The following RBM28 variants were observed in gnomAD, a reference collection of about 807,000 sequenced individuals.
RBM28 encodes RNA binding motif protein 28.
A neutral mutation model predicts 98.3 loss-of-function variants in RBM28; 78 were observed. That is an observed-to-expected ratio of 0.79 (90% CI 0.66 to 0.96). The LOEUF is 0.96. Ranked by LOEUF, RBM28 falls within the 40% of genes least tolerant of loss-of-function variation. RBM28 has a pLI of 0.00. For synonymous variants in RBM28, 306 were observed against 330.9 expected, an observed-to-expected ratio of 0.92 and a Z score of 0.82; for missense variants, 838 against 913.0, an observed-to-expected ratio of 0.92 and a Z score of 1.06.
chr7:128,337,224 T>A (rs1414636756), intron 5 of RBM28, 22 bp from the exon 6 acceptor site: 1 of 1,613,402 alleles, frequency 6.2e-7, no homozygotes, highest in African/African-American at 1.3e-5. Flanking sequence ...AAAAGTGGCA[T>A]CAGAAAGGCT....
chr7:128,337,850 C>T (rs1489472942), intron 5 of RBM28, among the ~76,000 whole-genome samples: 3 of 152,076 alleles, frequency 2.0e-5, no homozygotes, highest in Admixed American at 1.3e-4. Context: ...TGTGAGCCAC[C>T]GCACCTGGCC....
At chr7:128,326,780 A>G (rs1796362737) in intron 10 of RBM28, among the ~76,000 whole-genome samples, 1 of 152,226 alleles carries the variant, frequency 6.6e-6, no homozygotes, top group South Asian at 2.1e-4. Context: ...AAATTTTATT[A>G]TTACTTCCTT....
intron 10 of RBM28, among the ~76,000 whole-genome samples, chr7:128,328,782 G>A (rs904431380): frequency 4.6e-5 from 7 of 152,114 alleles, no homozygotes; most frequent in Non-Finnish European, 5.9e-5. Context: ...AACTAAACAT[G>A]AGAGCTGCAG....
rs192047795 is a variant in RBM28, at chr7:128,335,988, C to G, written c.668G>C (p.Arg223Thr). The G allele has an allele frequency of 1.3e-5, 21 of 1,611,916 alleles. No individual in the cohort carries two copies. In the Admixed American group the frequency reaches 3.2e-4, roughly 24 times the overall value. ...TTCCTCTTCCATATCCTCTTCCTCT[C>G]TGCCCTTCTTTTTAACTGATTCCTG... ...KHQESVKKKGREEEDMEEEEN... is the reference protein window; with the variant it reads ...KHQESVKKKGTEEEDMEEEEN... Residue 223 changes from arginine to threonine, a missense_variant, in exon 7 of 19, where the codon AGA becomes ACA. Physicochemically the swap from Arg to Thr is moderately conservative, Grantham distance 71. Transcript: ENST00000223073.
intron 16 of RBM28, 121 bp from the exon 17 acceptor site, chr7:128,315,141 T>A (rs1796080931): frequency 7.0e-7 from 1 of 1,432,562 alleles, no homozygotes; most frequent in African/African-American, 1.4e-5. Context: ...CCCCACACAA[T>A]TGGAGACTAG....
chr7:128,329,381 G>C (rs1176206205), intron 10 of RBM28, among the ~76,000 whole-genome samples: 1 of 152,226 alleles, frequency 6.6e-6, no homozygotes, highest in Non-Finnish European at 1.5e-5. Flanking sequence ...TTACAGGCGT[G>C]AGCCACCGCT....
At position 128,333,404 on chromosome 7, in the gene RBM28, T is replaced by C. The variant is rs1334107926; in HGVS notation, c.947-42A>G. On this transcript the variant is annotated intron_variant, in intron 8 of 18. Coordinates refer to ENST00000223073, the MANE Select transcript of RBM28 (RefSeq NM_018077.3). ...AACAACAAACTGAAAGAGATTAGTG[T>C]AAGCCACATGACAAAGAGCTAACTT... 6.2e-6 allele frequency: 9 copies of C among 1,462,630 alleles called. No individual in the cohort carries two copies. The Middle Eastern group carries it at 8.7e-4, about 141-fold the overall frequency. 90.6% of individuals were successfully genotyped at this position (1,462,630 alleles called of 1,614,324 possible).
At chr7:128,323,699 C>A in intron 12 of RBM28, 108 bp from the exon 13 acceptor site, 1 of 1,286,834 alleles carries the variant, frequency 7.8e-7, no homozygotes, top group Non-Finnish European at 1.1e-6. Context: ...GCCCAGAGGA[C>A]TATCTTGGCC....
rs148028531 is a variant in RBM28, at chr7:128,310,804, T to G, written c.2273A>C (p.Asp758Ala). Residue 758 changes from aspartate (D) to alanine (A), a missense_variant, in exon 19 of 19, where the codon GAT becomes GCT. By Grantham distance (126) the Asp-to-Ala change is moderately radical. Transcript: ENST00000223073. The part of the protein sequence containing the change: ...APLAKRSKWF[D>A]S ...CCCAGCCTGCTGCCATCATCAACTA[T>G]CAAACCATTTGCTCCTCTTTGCAAG... is the stretch of plus-strand genomic sequence containing the variant. 3 of 1,614,152 alleles carry G rather than the reference T, an allele frequency of 1.9e-6. No individual in the cohort carries two copies. Among genetic ancestry groups the G allele is most frequent in the East Asian group, 2.2e-5 (1 of 44,888 alleles).
In RBM28 at chr7:128,338,768, G is replaced by A. The variant is rs1034606012; in HGVS notation, c.406C>T (p.Gln136Ter). The A allele has an allele frequency of 2.5e-6, 4 of 1,611,656 alleles. No individual in the cohort carries two copies. The African/African-American group carries it at 4.0e-5, about 16-fold the overall frequency. Residue 136 changes from glutamine to a stop codon, truncating the protein, a stop_gained, in exon 4 of 19, where the codon CAA becomes TAA. Coordinates refer to ENST00000223073, the MANE Select transcript of RBM28 (RefSeq NM_018077.3). LOFTEE classifies it high-confidence loss of function. The stretch of plus-strand genomic sequence containing the variant: ...TTTACTTCCAGGACAGCTCCAAATT[G>A]AGCAAATACTGTCTTCAAGTCATCT... Reference protein sequence around the residue: ...SEDDLKTVFAQFGAVLEVNIP... With the variant: ...SEDDLKTVFA
chr7:128,340,581 G>A (rs1796703711), intron 1 of RBM28, among the ~76,000 whole-genome samples: 1 of 152,254 alleles, frequency 6.6e-6, no homozygotes, highest in African/African-American at 2.4e-5. Context: ...AACAGAAAAT[G>A]AATTAAGACA....
intron 1 of RBM28, among the ~76,000 whole-genome samples, chr7:128,341,612 T>G (rs1343602809): frequency 6.6e-6 from 1 of 152,198 alleles, no homozygotes; most frequent in East Asian, 1.9e-4. Flanking sequence ...AGTGCATAGT[T>G]TTTTAAAAGG....
chr7:128,311,344 GAC>G (rs1430738464), intron 18 of RBM28, among the ~76,000 whole-genome samples: 3 of 152,192 alleles, frequency 2.0e-5, no homozygotes, highest in Non-Finnish European at 2.9e-5. Flanking sequence ...AAACTTCCCA[GAC>G]ACAGATTTCT....
In RBM28 at chr7:128,338,311, C is replaced by A. The variant is rs778149110; in HGVS notation, c.480G>T (p.Gln160His). ...TACCTGCTTCTAGGAGGTTTTTGAA[C>A]TGAACAAAACCAAAACCGCGCATCT... ...DGKMRGFGFV[Q>H]FKNLLEAGKA... is the part of the protein sequence containing the mutation. Residue 160 changes from glutamine (Q) to histidine (H), a missense_variant, in exon 5 of 19, where the codon CAG (glutamine) becomes CAT (histidine). By Grantham distance (24) the Gln-to-His change is conservative (BLOSUM62 0). Transcript: ENST00000223073. 16 of 1,614,154 alleles carry A rather than the reference C, an allele frequency of 9.9e-6. No individual in the cohort carries two copies. The highest frequency in any genetic ancestry group is 1.4e-5 in the Non-Finnish European group (16 of 1,179,998).
At chr7:128,318,224 C>T (rs941220313) in intron 14 of RBM28, 118 bp from the exon 15 acceptor site, 2 of 1,076,724 alleles carry the variant, frequency 1.9e-6, no homozygotes, top group African/African-American at 3.1e-5. Flanking sequence ...GTGGTTCATG[C>T]CTGTAATCCT....
chr7:128,330,371 C>CTTTTT lies in RBM28; in HGVS notation c.1129+443_1129+447dup, dbSNP rs72352301. On this transcript the variant is annotated intron_variant, in intron 10 of 18. Transcript: ENST00000223073. ...ATTAAAGACCAGGATGTCCCTGGTC[C>CTTTTT]TTTTTTTTTTTTTTTTTTTTTTTCG... Among the ~76,000 whole-genome samples the CTTTTT allele has an allele frequency of 2.2e-4, 18 of 83,486 alleles. 1 individual carries two copies. Among genetic ancestry groups the CTTTTT allele is most frequent in the Admixed American group, 8.0e-4 (5 of 6,278 alleles). The allele number at this position is 83,486 out of a possible 152,430, so 54.8% of individuals were successfully genotyped here.
chr7:128,323,417 G>A, intron 13 of RBM28, 110 bp downstream of exon 13: 1 of 1,259,018 alleles, frequency 7.9e-7, no homozygotes, highest in South Asian at 1.2e-5. Context: ...CAATAAGTAT[G>A]GTCTGTGACC....
chr7:128,324,534 G>A, intron 12 of RBM28, 25 bp downstream of exon 12: 1 of 1,614,090 alleles, frequency 6.2e-7, no homozygotes, highest in Non-Finnish European at 8.5e-7. Flanking sequence ...GTACTTAGAA[G>A]TGTGGGTTAC....
At chr7:128,339,473 A>G (rs1366275273) in intron 2 of RBM28, 152 bp from the exon 3 acceptor site, 6 of 1,193,196 alleles carry the variant, frequency 5.0e-6, no homozygotes, top group Non-Finnish European at 7.2e-6. Flanking sequence ...TTTCCAAAGA[A>G]CTAAAATGAG....
Sources: allele counts gnomAD v4.1 joint callset (sites outside exome capture counted in the v4.1 genomes callset), GRCh38; gene constraint gnomAD v4.1.1; transcripts MANE v1.5; gene names NCBI Gene and HGNC (gene_info 2026-07-23, HGNC 2026-07-21).